The following SLIT3 variants were observed in gnomAD, a reference collection of about 807,000 sequenced individuals.
SLIT3 encodes slit guidance ligand 3.
In SLIT3, 68 loss-of-function variants were observed where a neutral mutation model predicts 184.0. The observed-to-expected ratio is 0.37, with a 90% confidence interval of 0.30 to 0.45. The LOEUF (loss-of-function observed/expected upper bound fraction) is 0.45, where lower values mean the gene tolerates loss of function less well. Ranked by LOEUF, SLIT3 falls within the 20% of genes least tolerant of loss-of-function variation. The pLI is 1.00. For missense variants in SLIT3, 1,707 were observed against 2,026.0 expected, an observed-to-expected ratio of 0.84 and a Z score of 3.02; for synonymous variants, 831 against 828.6, an observed-to-expected ratio of 1.00 and a Z score of -0.05.
chr5:168,826,294 T>A (rs1290974127), intron 6 of SLIT3, among the ~76,000 whole-genome samples: 1 of 152,214 alleles, frequency 6.6e-6, no homozygotes, highest in Non-Finnish European at 1.5e-5. Context: ...TGCTTGGGGC[T>A]GGCCAGCCCG....
intron 32 of SLIT3, among the ~76,000 whole-genome samples, chr5:168,678,172 G>A (rs996342315): frequency 2.0e-5 from 3 of 152,108 alleles, no homozygotes; most frequent in East Asian, 1.9e-4. Context: ...TTAACAGGTC[G>A]CCTCTTCCTG....
rs897260820 is a variant in SLIT3 at position 168,772,368 on chromosome 5, T to C, written c.1459+413A>G. 14 of 202,128 alleles carry C rather than the reference T, an allele frequency of 6.9e-5. No homozygotes were observed. The Admixed American group carries it at 7.5e-4, about 11-fold the overall frequency. 12.5% of individuals were successfully genotyped at this position (202,128 alleles called of 1,614,324 possible). ...GGGAGGTCCCCAAGATTACACACCG[T>C]CTGTAGCCTCGCCTGAGCTATATGT... On this transcript the variant is annotated intron_variant, in intron 14 of 35. Transcript: ENST00000519560.
chr5:169,230,483 T>C (rs1047726963), intron 3 of SLIT3, among the ~76,000 whole-genome samples: 9 of 152,238 alleles, frequency 5.9e-5, no homozygotes, highest in Admixed American at 3.3e-4. Flanking sequence ...TTTAAATATG[T>C]AATCTAATTA....
At chr5:169,264,464 C>G (rs983632894) in intron 1 of SLIT3, among the ~76,000 whole-genome samples, 2 of 152,184 alleles carry the variant, frequency 1.3e-5, no homozygotes, top group Non-Finnish European at 2.9e-5. Context: ...AGGCGTGAGC[C>G]ACCGTGCCTG....
chr5:169,150,551 C>G (rs1407719396), intron 4 of SLIT3, among the ~76,000 whole-genome samples: 3 of 151,356 alleles, frequency 2.0e-5, no homozygotes, highest in Admixed American at 6.6e-5. Flanking sequence ...ACACCCTTAC[C>G]TCACATAGGG....
chr5:169,096,924 A>G (rs1463362759), intron 4 of SLIT3, among the ~76,000 whole-genome samples: 2 of 152,192 alleles, frequency 1.3e-5, no homozygotes, highest in Non-Finnish European at 2.9e-5. Context: ...ATGTCGTCCT[A>G]CTGTTAAAGG....
chr5:169,243,514 C>T (rs1765474761), intron 3 of SLIT3, among the ~76,000 whole-genome samples: 1 of 152,152 alleles, frequency 6.6e-6, no homozygotes, highest in African/African-American at 2.4e-5. Flanking sequence ...GGATTTGACC[C>T]AGAAGGAGAA....
At chr5:169,044,383 T>C (rs372168550) in intron 4 of SLIT3, among the ~76,000 whole-genome samples, 3 of 152,148 alleles carry the variant, frequency 2.0e-5, no homozygotes, top group Non-Finnish European at 4.4e-5. Flanking sequence ...AGGTGGAACA[T>C]GCAATGGAAT....
chr5:168,719,009 C>A (rs1229899522), intron 23 of SLIT3, among the ~76,000 whole-genome samples: 4 of 152,188 alleles, frequency 2.6e-5, no homozygotes, highest in Non-Finnish European at 5.9e-5. Flanking sequence ...TCTTCCAACT[C>A]CCTCAGTTGT....
chr5:169,274,777 G>A (rs1188166064), intron 1 of SLIT3, among the ~76,000 whole-genome samples: 1 of 152,196 alleles, frequency 6.6e-6, no homozygotes, highest in Admixed American at 6.5e-5. Flanking sequence ...CCAGGGTGTT[G>A]GTTATGCACC....
chr5:168,693,841 A>C (rs115287418), intron 28 of SLIT3, among the ~76,000 whole-genome samples: 1 of 152,160 alleles, frequency 6.6e-6, no homozygotes, highest in African/African-American at 2.4e-5. Flanking sequence ...TCCCTCTCCA[A>C]ATTTTGCCTT....
intron 35 of SLIT3, 91 bp from the exon 36 acceptor site, chr5:168,666,780 T>C (rs1469873559): frequency 1.3e-6 from 2 of 1,584,254 alleles, no homozygotes; most frequent in Non-Finnish European, 1.7e-6. Context: ...GAAATACTTG[T>C]GCTCTGAAGA....
intron 5 of SLIT3, among the ~76,000 whole-genome samples, chr5:168,848,439 A>C (rs956787907): frequency 1.3e-5 from 2 of 152,214 alleles, no homozygotes; most frequent in Non-Finnish European, 2.9e-5. Context: ...ACGGGAAGGC[A>C]AGAAATTTTG....
intron 16 of SLIT3, among the ~76,000 whole-genome samples, chr5:168,756,773 G>C (rs1184394000): frequency 6.6e-6 from 1 of 152,188 alleles, no homozygotes; most frequent in Admixed American, 6.5e-5. Context: ...TTGCTCCAGA[G>C]TTGAGCTTCT....
In SLIT3 at chr5:168,758,178, T is replaced by C. The variant is rs1755018266; in HGVS notation, c.1685+2684A>G. ...CCAGAGACCTCACCACTCCCTTTTG[T>C]TGCTTGGTTGCTGATGCTGGGAGTT... is the stretch of plus-strand genomic sequence containing the variant. On this transcript the variant is annotated intron_variant, in intron 16 of 35. Coordinates refer to ENST00000519560, the MANE Select transcript of SLIT3 (RefSeq NM_003062.4). 2.0e-5 allele frequency among the ~76,000 whole-genome samples: 3 copies of C among 152,214 alleles called. No individual in the cohort carries two copies. In the South Asian group the frequency reaches 6.2e-4, roughly 32 times the overall value.
intron 3 of SLIT3, among the ~76,000 whole-genome samples, chr5:169,209,425 T>G (rs918039729): frequency 3.3e-5 from 5 of 151,212 alleles, no homozygotes; most frequent in Non-Finnish European, 7.4e-5. Flanking sequence ...CAGATTTCAC[T>G]TAGCAATCCC....
At chr5:168,774,775 C>A (rs1278805032) in intron 12 of SLIT3, among the ~76,000 whole-genome samples, 2 of 152,182 alleles carry the variant, frequency 1.3e-5, no homozygotes, top group East Asian at 3.9e-4. Flanking sequence ...TGACTACGGG[C>A]AATTTGATTC....
At chr5:169,001,487 T>C (rs1485534210) in intron 4 of SLIT3, among the ~76,000 whole-genome samples, 2 of 152,242 alleles carry the variant, frequency 1.3e-5, no homozygotes, top group East Asian at 3.9e-4. Flanking sequence ...GTCTTTTTTT[T>C]CCCTCCTTAA....
intron 4 of SLIT3, among the ~76,000 whole-genome samples, chr5:169,176,391 C>A (rs1040776941): frequency 3.9e-5 from 6 of 152,142 alleles, no homozygotes; most frequent in Non-Finnish European, 5.9e-5. Context: ...TTCAGAGTCT[C>A]GATTTTCTCT....
Sources: allele counts gnomAD v4.1 joint callset (sites outside exome capture counted in the v4.1 genomes callset), GRCh38; gene constraint gnomAD v4.1.1; transcripts MANE v1.5; gene names NCBI Gene and HGNC (gene_info 2026-07-23, HGNC 2026-07-21).